The following AMPH variants were observed in gnomAD, a reference collection of about 807,000 sequenced individuals.
The protein encoded by AMPH is amphiphysin, also known as amphiphysin (Stiff-Mann syndrome with breast cancer 128kD autoantigen).
Under a neutral mutation model 99.1 loss-of-function variants are expected in AMPH, and 49 were observed. That is an observed-to-expected ratio of 0.49 (90% CI 0.39 to 0.63). The LOEUF (loss-of-function observed/expected upper bound fraction) is 0.63, where lower values mean the gene tolerates loss of function less well. Ranked by LOEUF, AMPH falls within the 20% of genes least tolerant of loss-of-function variation. AMPH has a pLI of 0.00. For missense variants in AMPH, 759 were observed against 863.4 expected, an observed-to-expected ratio of 0.88 and a Z score of 1.52; for synonymous variants, 314 against 317.3, an observed-to-expected ratio of 0.99 and a Z score of 0.11.
intron 1 of AMPH, among the ~76,000 whole-genome samples, chr7:38,594,652 TACC>T (rs1271785453): frequency 6.6e-6 from 1 of 152,130 alleles, no homozygotes; most frequent in East Asian, 1.9e-4. Flanking sequence ...AAGCCAGTAT[TACC>T]ACATTTTCAT....
chr7:38,556,223 A>T (rs2129047427), intron 1 of AMPH, among the ~76,000 whole-genome samples: 1 of 152,330 alleles, frequency 6.6e-6, no homozygotes, highest in Admixed American at 6.5e-5. Context: ...AGAACATCCC[A>T]ACCTTTAAAA....
At chr7:38,616,367 T>C (rs997425067) in intron 1 of AMPH, among the ~76,000 whole-genome samples, 4 of 152,178 alleles carry the variant, frequency 2.6e-5, no homozygotes, top group African/African-American at 9.7e-5. Flanking sequence ...AATATAGGCT[T>C]TCTAAATTCT....
intron 2 of AMPH, among the ~76,000 whole-genome samples, chr7:38,522,867 G>A (rs573933144): frequency 6.6e-6 from 1 of 152,234 alleles, no homozygotes; most frequent in South Asian, 2.1e-4. Context: ...CCAGCATTTT[G>A]GGAGGCTGAG....
At chr7:38,547,846 T>G (rs1209315339) in intron 1 of AMPH, among the ~76,000 whole-genome samples, 4 of 152,204 alleles carry the variant, frequency 2.6e-5, no homozygotes, top group Non-Finnish European at 1.5e-5. Flanking sequence ...CTTTTGAGTT[T>G]CTGATTAGAC....
intron 1 of AMPH, among the ~76,000 whole-genome samples, chr7:38,595,297 A>C (rs189038121): frequency 6.6e-6 from 1 of 152,086 alleles, no homozygotes; most frequent in African/African-American, 2.4e-5. Context: ...GCCCAGGTAC[A>C]TGGGGTAGTG....
intron 6 of AMPH, 141 bp from the exon 7 acceptor site, chr7:38,475,557 C>A: frequency 1.7e-6 from 1 of 601,486 alleles, no homozygotes; most frequent in Non-Finnish European, 2.9e-6. Flanking sequence ...AAAGCATATC[C>A]TTGTTTTTCA....
At chr7:38,593,420 T>C (rs1377373985) in intron 1 of AMPH, among the ~76,000 whole-genome samples, 1 of 152,252 alleles carries the variant, frequency 6.6e-6, no homozygotes, top group Non-Finnish European at 1.5e-5. Flanking sequence ...CAAGCCCGGC[T>C]GAATTAACAG....
chr7:38,544,113 T>G (rs1481278405), intron 1 of AMPH, among the ~76,000 whole-genome samples: 1 of 152,210 alleles, frequency 6.6e-6, no homozygotes, highest in Non-Finnish European at 1.5e-5. Flanking sequence ...CTATTTTAGA[T>G]TCTACTCTGA....
chr7:38,570,078 T>C lies in AMPH; in HGVS notation c.70-35067A>G, dbSNP rs1221113183. On this transcript the variant is annotated intron_variant, in intron 1 of 20. Coordinates refer to ENST00000356264, the MANE Select transcript of AMPH (RefSeq NM_001635.4). ...ATAACACTGCAACCTGCCCGGAAGT[T>C]GCCTTAACGAGTCCTGGAATTGGAG... 2.6e-5 allele frequency among the ~76,000 whole-genome samples: 4 copies of C among 152,290 alleles called. No individual in the cohort carries two copies. The South Asian group carries it at 8.3e-4, about 32-fold the overall frequency.
Position 38,589,926 on chromosome 7 carries a change from A to C in AMPH, c.69+41357T>G, listed in dbSNP as rs567074904. On this transcript the variant is annotated intron_variant, in intron 1 of 20. Coordinates refer to ENST00000356264, the MANE Select transcript of AMPH (RefSeq NM_001635.4). ...GAAATCACCAACAATCACAGAATGG[A>C]TAAAAACAGTAAACTGTCTTAATGA... Among the ~76,000 whole-genome samples, 3 of 152,246 alleles carry C rather than the reference A, an allele frequency of 2.0e-5. No homozygotes were observed. In the East Asian group the frequency reaches 5.8e-4, roughly 29 times the overall value.
At chr7:38,418,073 C>A (rs955449356) in intron 16 of AMPH, 123 bp from the exon 17 acceptor site, 17 of 1,161,752 alleles carry the variant, frequency 1.5e-5, no homozygotes, top group Non-Finnish European at 2.0e-5. Context: ...TCATGAAATC[C>A]GTGCTGGAGA....
chr7:38,559,229 C>G (rs904885636), intron 1 of AMPH, among the ~76,000 whole-genome samples: 1 of 152,212 alleles, frequency 6.6e-6, no homozygotes, highest in Non-Finnish European at 1.5e-5. Flanking sequence ...GTTACCCAGC[C>G]GTATTACTTC....
At chr7:38,617,062 C>G (rs369178715) in intron 1 of AMPH, among the ~76,000 whole-genome samples, 2 of 152,332 alleles carry the variant, frequency 1.3e-5, no homozygotes, top group South Asian at 4.1e-4. Flanking sequence ...ATGTATGAAG[C>G]TGTACGGCTA....
intron 1 of AMPH, among the ~76,000 whole-genome samples, chr7:38,613,650 G>A (rs189074184): frequency 6.6e-6 from 1 of 152,216 alleles, no homozygotes; most frequent in African/African-American, 2.4e-5. Context: ...CAGACAGTAG[G>A]TGCAAAATTC....
At chr7:38,611,989 A>G (rs751752350) in intron 1 of AMPH, among the ~76,000 whole-genome samples, 4 of 151,778 alleles carry the variant, frequency 2.6e-5, no homozygotes, top group Non-Finnish European at 4.4e-5. Context: ...TAAGTAAATG[A>G]CCCAGGTCTA....
intron 3 of AMPH, among the ~76,000 whole-genome samples, chr7:38,494,955 G>A (rs769622338): frequency 1.4e-4 from 22 of 152,138 alleles, no homozygotes; most frequent in Admixed American, 1.0e-3. Flanking sequence ...GGGACTAGAA[G>A]TAAAAATCAA....
At chr7:38,501,465 G>A (rs1288996005) in intron 3 of AMPH, among the ~76,000 whole-genome samples, 2 of 152,058 alleles carry the variant, frequency 1.3e-5, no homozygotes, top group Admixed American at 6.6e-5. Flanking sequence ...GATTAAAGGT[G>A]GTGTGAGCCA....
chr7:38,547,504 A>G (rs1204591195), intron 1 of AMPH, among the ~76,000 whole-genome samples: 1 of 152,250 alleles, frequency 6.6e-6, no homozygotes, highest in African/African-American at 2.4e-5. Flanking sequence ...TTTCAGGAAC[A>G]TAAGCCCTGC....
chr7:38,406,261 G>T (rs1156408012), intron 17 of AMPH, among the ~76,000 whole-genome samples: 1 of 152,020 alleles, frequency 6.6e-6, no homozygotes, highest in Non-Finnish European at 1.5e-5. Context: ...ACATCAAAAA[G>T]ATATAAAGAT....
Sources: gnomAD v4.1 joint callset for allele counts (sites outside exome capture counted in the v4.1 genomes callset) on GRCh38, gnomAD v4.1.1 for gene constraint, MANE v1.5 for transcripts, NCBI Gene and HGNC (gene_info 2026-07-23, HGNC 2026-07-21) for gene names.